SPAG16: variants seen among roughly 807,000 people sequenced by gnomAD.
The protein encoded by SPAG16 is sperm-associated antigen 16 protein.
A neutral mutation model predicts 80.4 loss-of-function variants in SPAG16; 86 were observed. The ratio of observed to expected loss-of-function variants is 1.07; its 90% CI spans 0.90 to 1.28. The LOEUF (loss-of-function observed/expected upper bound fraction) is 1.28. SPAG16 is among the 50% of genes most tolerant of loss of function. SPAG16 has a pLI of 0.00. For missense variants in SPAG16, 870 were observed against 765.3 expected, an observed-to-expected ratio of 1.14 and a Z score of -1.61; for synonymous variants, 294 against 265.9, an observed-to-expected ratio of 1.11 and a Z score of -1.03.
intron 10 of SPAG16, among the ~76,000 whole-genome samples, chr2:213,586,948 T>C (rs1426350881): frequency 6.6e-6 from 1 of 152,166 alleles, no homozygotes; most frequent in Non-Finnish European, 1.5e-5. Context: ...AGCCCCACCC[T>C]TGTAGTGTCT....
Position 213,490,132 on chromosome 2 carries a change from T to A in SPAG16, c.1070+42T>A, listed in dbSNP as rs774324812. The A allele has an allele frequency of 1.2e-5, 18 of 1,522,444 alleles. No individual in the cohort carries two copies. The Admixed American group carries it at 3.8e-4, about 32-fold the overall frequency. 94.3% of individuals were successfully genotyped at this position (1,522,444 alleles called of 1,614,324 possible). A position where few individuals can be genotyped will look rare whatever the true frequency, so the allele number is the denominator to read the frequency against. On this transcript the variant is annotated intron_variant, in intron 10 of 15. Transcript: ENST00000331683. The stretch of plus-strand genomic sequence containing the variant: ...TTTATTAATACTTTTGAGATTTTAT[T>A]TTCATGTCAAAATTTTAATGCTCTT...
intron 10 of SPAG16, among the ~76,000 whole-genome samples, chr2:213,687,833 AT>A (rs1238628069): frequency 6.6e-6 from 1 of 152,122 alleles, no homozygotes; most frequent in African/African-American, 2.4e-5. Flanking sequence ...TTTCTTCATA[AT>A]TTTTTGTCCC....
chr2:213,386,541 A>G (rs73990340), intron 9 of SPAG16, among the ~76,000 whole-genome samples: 2 of 152,330 alleles, frequency 1.3e-5, no homozygotes, highest in East Asian at 1.9e-4. Flanking sequence ...ACATGCCTCT[A>G]TAAGCTCGTC....
intron 11 of SPAG16, among the ~76,000 whole-genome samples, chr2:213,874,500 T>A (rs2076068764): frequency 6.6e-6 from 1 of 152,102 alleles, no homozygotes; most frequent in Non-Finnish European, 1.5e-5. Context: ...TTGGCCCACT[T>A]CCACATTTTG....
At chr2:213,284,786 C>G in intron 1 of SPAG16, 167 bp downstream of exon 1, 1 of 1,013,250 alleles carries the variant, frequency 9.9e-7, no homozygotes, top group Non-Finnish European at 1.4e-6. Flanking sequence ...TCCTGAGAGC[C>G]ACTCACTGAA....
chr2:213,980,271 T>A (rs1167372714), intron 12 of SPAG16, among the ~76,000 whole-genome samples: 3 of 28,724 alleles, frequency 1.0e-4, no homozygotes, highest in African/African-American at 9.0e-4. Context: ...ATATATATTC[T>A]CTATATATAT....
At chr2:214,193,431 G>GTGTGTGT (rs777734652) in intron 15 of SPAG16, among the ~76,000 whole-genome samples, 195 of 86,080 alleles carry the variant, frequency 2.3e-3, no homozygotes, top group Non-Finnish European at 4.9e-3. Flanking sequence ...GTGTATGAGA[G>GTGTGTGT]AGAGAGAGAG....
intron 15 of SPAG16, among the ~76,000 whole-genome samples, chr2:214,213,496 G>A (rs2058349975): frequency 6.6e-6 from 1 of 152,182 alleles, no homozygotes; most frequent in Admixed American, 6.5e-5. Flanking sequence ...ACCCAAGGGA[G>A]CAAGCATAGG....
intron 10 of SPAG16, among the ~76,000 whole-genome samples, chr2:213,492,165 C>T (rs2074263205): frequency 6.7e-6 from 1 of 149,966 alleles, no homozygotes; most frequent in South Asian, 2.1e-4. Context: ...TCTGTACTCT[C>T]ATTCTATACT....
At chr2:214,141,994 C>T (rs2055387433) in intron 14 of SPAG16, among the ~76,000 whole-genome samples, 1 of 152,142 alleles carries the variant, frequency 6.6e-6, no homozygotes, top group South Asian at 2.1e-4. Context: ...ACATTATCTT[C>T]TTTTGGAATG....
At chr2:213,738,974 A>T (rs1027602498) in intron 10 of SPAG16, among the ~76,000 whole-genome samples, 3 of 152,342 alleles carry the variant, frequency 2.0e-5, no homozygotes, top group Non-Finnish European at 4.4e-5. Flanking sequence ...ATATGCATAT[A>T]GGATAAACAG....
chr2:213,929,470 G>T (rs1289887187), intron 11 of SPAG16, among the ~76,000 whole-genome samples: 1 of 152,122 alleles, frequency 6.6e-6, no homozygotes, highest in Non-Finnish European at 1.5e-5. Flanking sequence ...TAACTCAAAG[G>T]TATCTCATTC....
At chr2:213,578,562 C>G (rs986021612) in intron 10 of SPAG16, among the ~76,000 whole-genome samples, 1 of 151,954 alleles carries the variant, frequency 6.6e-6, no homozygotes, top group Non-Finnish European at 1.5e-5. Flanking sequence ...TTATGAACTA[C>G]AAATAAAATC....
intron 15 of SPAG16, among the ~76,000 whole-genome samples, chr2:214,358,737 TG>T (rs1022091457): frequency 1.3e-5 from 2 of 151,772 alleles, no homozygotes; most frequent in African/African-American, 4.8e-5. Context: ...CGAATAATAA[TG>T]GGAGTTGGGG....
chr2:214,105,062 C>G (rs2053310179), intron 13 of SPAG16, among the ~76,000 whole-genome samples: 1 of 152,046 alleles, frequency 6.6e-6, no homozygotes, highest in African/African-American at 2.4e-5. Context: ...TTGTGCTTAT[C>G]CATATCCTAC....
intron 15 of SPAG16, among the ~76,000 whole-genome samples, chr2:214,340,544 C>T (rs765173244): frequency 3.9e-5 from 6 of 152,190 alleles, no homozygotes; most frequent in Non-Finnish European, 8.8e-5. Flanking sequence ...TTCCAGTGCC[C>T]TGCCCCAGAG....
intron 9 of SPAG16, among the ~76,000 whole-genome samples, chr2:213,468,799 G>C (rs2072903436): frequency 6.6e-6 from 1 of 150,834 alleles, no homozygotes. Flanking sequence ...AAAATCACAA[G>C]GTCTCACAAC....
intron 10 of SPAG16, among the ~76,000 whole-genome samples, chr2:213,686,302 A>G (rs1448576572): frequency 6.6e-6 from 1 of 152,174 alleles, no homozygotes; most frequent in East Asian, 1.9e-4. Context: ...TATTTTTAGT[A>G]GAGACGGGGT....
At chr2:214,326,725 C>T (rs980847851) in intron 15 of SPAG16, among the ~76,000 whole-genome samples, 7 of 151,966 alleles carry the variant, frequency 4.6e-5, no homozygotes, top group South Asian at 2.1e-4. Context: ...GCAGGCGGAT[C>T]ACGAGATCAG....
Sources: gnomAD v4.1 joint callset for allele counts (sites outside exome capture counted in the v4.1 genomes callset) on GRCh38, gnomAD v4.1.1 for gene constraint, MANE v1.5 for transcripts, NCBI Gene and HGNC (gene_info 2026-07-23, HGNC 2026-07-21) for gene names.